FAM184A: variants seen among roughly 807,000 people sequenced by gnomAD.
FAM184A encodes the protein family with sequence similarity 184 member A, also known as protein FAM184A.
In FAM184A, 99 loss-of-function variants were observed where a neutral mutation model predicts 143.8. That is an observed-to-expected ratio of 0.69 (90% confidence interval 0.58 to 0.81). The LOEUF is 0.81. Ranked by LOEUF, FAM184A falls within the 40% of genes least tolerant of loss-of-function variation. The pLI is 0.00. For missense variants in FAM184A, 1,217 were observed against 1,310.5 expected (o/e 0.93, Z 1.10); for synonymous variants, 427 against 446.4 (o/e 0.96, Z 0.55).
At chr6:119,022,836 C>A in intron 3 of FAM184A, 109 bp downstream of exon 3, 1 of 1,310,148 alleles carries the variant, frequency 7.6e-7, no homozygotes, top group Non-Finnish European at 1.1e-6. Context: ...GAGATTGAGC[C>A]ACTGCACTCC....
At chr6:119,022,147 C>G (rs1785470050) in intron 3 of FAM184A, among the ~76,000 whole-genome samples, 1 of 149,530 alleles carries the variant, frequency 6.7e-6, no homozygotes, top group African/African-American at 2.5e-5. Flanking sequence ...CAACCTCTGC[C>G]ACCAGGTTCA....
chr6:118,991,336 G>A (rs990607460), intron 9 of FAM184A, among the ~76,000 whole-genome samples: 133 of 151,460 alleles, frequency 8.8e-4, no homozygotes, highest in African/African-American at 3.1e-3. Context: ...CTAATTTTTT[G>A]TTTTAGTAAA....
At chr6:119,098,064 C>G (rs1254572273) in intron 1 of FAM184A, among the ~76,000 whole-genome samples, 1 of 152,100 alleles carries the variant, frequency 6.6e-6, no homozygotes, top group African/African-American at 2.4e-5. Context: ...ATTGTAGCTC[C>G]CATAATTCCC....
intron 10 of FAM184A, 83 bp downstream of exon 10, chr6:118,980,055 A>C (rs1783973914): frequency 8.2e-7 from 1 of 1,225,716 alleles, no homozygotes; most frequent in Non-Finnish European, 1.2e-6. Context: ...CTCAAAAAAT[A>C]GAAAAAAAAA....
chr6:119,089,858 T>C (rs548776917), intron 1 of FAM184A, among the ~76,000 whole-genome samples: 2 of 152,326 alleles, frequency 1.3e-5, no homozygotes, highest in South Asian at 4.1e-4. Context: ...TTTTTCCTTA[T>C]TTTTGTTTCT....
intron 1 of FAM184A, among the ~76,000 whole-genome samples, chr6:119,076,413 C>T (rs548735348): frequency 1.6e-4 from 24 of 152,284 alleles, no homozygotes; most frequent in Non-Finnish European, 3.1e-4. Flanking sequence ...AGAGCACCCT[C>T]TTGTCTCATT....
intron 1 of FAM184A, among the ~76,000 whole-genome samples, chr6:119,101,331 C>G (rs1788633795): frequency 6.6e-6 from 1 of 151,992 alleles, no homozygotes; most frequent in Non-Finnish European, 1.5e-5. Flanking sequence ...CTCGGCCTCC[C>G]AAAGTGCTGG....
intron 1 of FAM184A, among the ~76,000 whole-genome samples, chr6:119,141,727 T>TAG (rs1772244580): frequency 6.6e-6 from 1 of 152,046 alleles, no homozygotes; most frequent in African/African-American, 2.4e-5. Flanking sequence ...TCCACCTACC[T>TAG]TGGCCTCCCA....
chr6:119,103,655 CG>C (rs1788700698), intron 1 of FAM184A, among the ~76,000 whole-genome samples: 1 of 87,632 alleles, frequency 1.1e-5, no homozygotes, highest in Non-Finnish European at 2.2e-5. Context: ...AGGCCAGGCA[CG>C]GTGGCTCAAG....
At chr6:119,027,721 T>C (rs999157444) in intron 1 of FAM184A, among the ~76,000 whole-genome samples, 2 of 152,110 alleles carry the variant, frequency 1.3e-5, no homozygotes, top group African/African-American at 4.8e-5. Context: ...CTAACATACA[T>C]CCTTGAGTTG....
chr6:119,028,130 G>A (rs909906396), intron 1 of FAM184A, among the ~76,000 whole-genome samples: 18 of 152,052 alleles, frequency 1.2e-4, no homozygotes, highest in African/African-American at 4.3e-4. Context: ...AAAAATCCTT[G>A]CCTGCAAGCC....
At chr6:119,029,335 C>T (rs997085613) in intron 1 of FAM184A, among the ~76,000 whole-genome samples, 5 of 152,138 alleles carry the variant, frequency 3.3e-5, no homozygotes, top group South Asian at 2.1e-4. Context: ...TTCCCCTTGT[C>T]GACAATTTAT....
intron 1 of FAM184A, among the ~76,000 whole-genome samples, chr6:119,102,080 A>T (rs910643282): frequency 2.4e-4 from 36 of 152,126 alleles, no homozygotes; most frequent in African/African-American, 6.0e-4. Context: ...AAAAATAAAT[A>T]AAGTATATAA....
chr6:119,003,928 G>A (rs566875666), intron 7 of FAM184A, among the ~76,000 whole-genome samples: 2 of 152,198 alleles, frequency 1.3e-5, no homozygotes, highest in African/African-American at 4.8e-5. Flanking sequence ...GTATCTAACG[G>A]TAGACTGATT....
At chr6:119,060,258 C>T (rs1405873357) in intron 1 of FAM184A, among the ~76,000 whole-genome samples, 1 of 152,166 alleles carries the variant, frequency 6.6e-6, no homozygotes, top group Admixed American at 6.5e-5. Flanking sequence ...CTCAGCCTTA[C>T]AGGAGTGGCT....
intron 3 of FAM184A, among the ~76,000 whole-genome samples, chr6:119,020,474 T>C (rs1369398689): frequency 1.3e-5 from 2 of 152,138 alleles, no homozygotes; most frequent in Non-Finnish European, 2.9e-5. Flanking sequence ...CAGGTTGAAG[T>C]AGGCGCAACT....
At chr6:118,991,412 C>T (rs1441988725) in intron 9 of FAM184A, among the ~76,000 whole-genome samples, 2 of 152,062 alleles carry the variant, frequency 1.3e-5, no homozygotes, top group African/African-American at 4.8e-5. Flanking sequence ...ATCCACCTAC[C>T]TCGGCCTCCT....
At chr6:118,963,639 A>G (rs1483279413) in intron 16 of FAM184A, 1 of 152,130 alleles carries the variant, frequency 6.6e-6, no homozygotes, top group Non-Finnish European at 1.5e-5. Context: ...TAAAGTCCTA[A>G]TAAAAATTAG....
chr6:119,105,506 T>A (rs566509320), intron 1 of FAM184A, among the ~76,000 whole-genome samples: 2 of 152,226 alleles, frequency 1.3e-5, no homozygotes, highest in East Asian at 1.9e-4. Context: ...TTCAGTTTCC[T>A]GAGGCTTCCC....
Sources: gnomAD v4.1 joint callset for allele counts (sites outside exome capture counted in the v4.1 genomes callset) on GRCh38, gnomAD v4.1.1 for gene constraint, MANE v1.5 for transcripts, NCBI Gene and HGNC (gene_info 2026-07-23, HGNC 2026-07-21) for gene names.